The following NCK2 variants were observed in gnomAD, a reference collection of about 807,000 sequenced individuals.
NCK2 encodes cytoplasmic protein NCK2.
NCK2 carries 16 observed loss-of-function variants against 33.9 expected under a neutral mutation model. The ratio of observed to expected loss-of-function variants is 0.47; its 90% confidence interval spans 0.32 to 0.72. The LOEUF (loss-of-function observed/expected upper bound fraction) is 0.72. NCK2 is among the 30% of genes least tolerant of loss of function. NCK2 has a pLI of 0.03. For synonymous variants in NCK2, 273 were observed against 239.9 expected, an observed-to-expected ratio of 1.14 and a Z score of -1.27; for missense variants, 418 against 537.3, an observed-to-expected ratio of 0.78 and a Z score of 2.19.
intron 2 of NCK2, among the ~76,000 whole-genome samples, chr2:105,825,958 G>A (rs529860774): frequency 3.1e-4 from 47 of 152,300 alleles, no homozygotes; most frequent in African/African-American, 1.1e-3. Context: ...ATTAACCAAA[G>A]TGATTGCATT....
chr2:105,857,844 T>C (rs1361506394), intron 3 of NCK2, among the ~76,000 whole-genome samples: 2 of 152,212 alleles, frequency 1.3e-5, no homozygotes, highest in Non-Finnish European at 2.9e-5. Flanking sequence ...TCCCTTGCCC[T>C]GTTGAGCTGC....
chr2:105,866,836 A>G (rs555926068), intron 3 of NCK2, among the ~76,000 whole-genome samples: 109 of 152,288 alleles, frequency 7.2e-4, no homozygotes, highest in African/African-American at 2.3e-3. Flanking sequence ...TGTACCCAGT[A>G]ATTTTTGGTA....
At chr2:105,781,249 G>A (rs781084995) in intron 1 of NCK2, among the ~76,000 whole-genome samples, 37 of 152,294 alleles carry the variant, frequency 2.4e-4, no homozygotes, top group Non-Finnish European at 4.4e-4. Context: ...TGAATTTTAT[G>A]AACATGATTA....
chr2:105,830,312 C>A (rs2104519494), intron 2 of NCK2, among the ~76,000 whole-genome samples: 1 of 152,272 alleles, frequency 6.6e-6, no homozygotes, highest in Admixed American at 6.5e-5. Flanking sequence ...TGAGTGAGAA[C>A]TCTGGTATTT....
chr2:105,845,787 A>G (rs1676834205), intron 2 of NCK2, among the ~76,000 whole-genome samples: 1 of 152,218 alleles, frequency 6.6e-6, no homozygotes, highest in Non-Finnish European at 1.5e-5. Flanking sequence ...ACCGCTAAAA[A>G]TGGTGACTGT....
chr2:105,861,835 A>T (rs1677546094), intron 3 of NCK2, among the ~76,000 whole-genome samples: 2 of 151,546 alleles, frequency 1.3e-5, no homozygotes, highest in African/African-American at 4.8e-5. Flanking sequence ...ATTTTAAAGC[A>T]CACCAAGTCT....
chr2:105,835,190 A>G (rs1051226102), intron 2 of NCK2, among the ~76,000 whole-genome samples: 2 of 151,112 alleles, frequency 1.3e-5, no homozygotes, highest in Non-Finnish European at 2.9e-5. Context: ...GTGTGTTTCC[A>G]TGATGGCAGA....
At chr2:105,782,173 C>G (rs1241478368) in intron 1 of NCK2, among the ~76,000 whole-genome samples, 1 of 152,186 alleles carries the variant, frequency 6.6e-6, no homozygotes, top group Non-Finnish European at 1.5e-5. Flanking sequence ...ATCTCTTTCC[C>G]CTCTCTTTAT....
intron 1 of NCK2, among the ~76,000 whole-genome samples, chr2:105,765,499 C>G (rs1371981756): frequency 6.6e-6 from 1 of 152,146 alleles, no homozygotes; most frequent in Non-Finnish European, 1.5e-5. Context: ...TCCCTAATGG[C>G]AGATGGAACA....
At chr2:105,769,525 A>T (rs1690057333) in intron 1 of NCK2, among the ~76,000 whole-genome samples, 1 of 152,210 alleles carries the variant, frequency 6.6e-6, no homozygotes, top group Non-Finnish European at 1.5e-5. Flanking sequence ...CTCTACTTAT[A>T]ATAACGTACA....
chr2:105,863,091 A>G (rs901977134), intron 3 of NCK2, among the ~76,000 whole-genome samples: 3 of 152,198 alleles, frequency 2.0e-5, no homozygotes, highest in Non-Finnish European at 2.9e-5. Flanking sequence ...CTAATTATTC[A>G]TCATATCTAT....
At chr2:105,820,450 G>A (rs1171778874) in intron 2 of NCK2, among the ~76,000 whole-genome samples, 1 of 152,226 alleles carries the variant, frequency 6.6e-6, no homozygotes, top group African/African-American at 2.4e-5. Context: ...GCTTGAGGAG[G>A]ATGGCGGTGT....
chr2:105,829,867 T>A (rs537714663), intron 2 of NCK2, among the ~76,000 whole-genome samples: 1 of 152,354 alleles, frequency 6.6e-6, no homozygotes, highest in South Asian at 2.1e-4. Context: ...TATTTAGAGT[T>A]ATTCTTCCAA....
At chr2:105,866,850 A>G (rs995341902) in intron 3 of NCK2, among the ~76,000 whole-genome samples, 2 of 152,150 alleles carry the variant, frequency 1.3e-5, no homozygotes, top group African/African-American at 4.8e-5. Context: ...TTTGGTATAT[A>G]TGCTTCCTGG....
intron 3 of NCK2, among the ~76,000 whole-genome samples, chr2:105,880,329 A>G (rs1678419301): frequency 6.6e-6 from 1 of 152,164 alleles, no homozygotes; most frequent in Admixed American, 6.5e-5. Flanking sequence ...AGTATGAAAA[A>G]ATTTGCCTTC....
intron 2 of NCK2, among the ~76,000 whole-genome samples, chr2:105,835,720 A>G (rs1248237681): frequency 1.3e-5 from 2 of 151,874 alleles, no homozygotes; most frequent in African/African-American, 2.4e-5. Flanking sequence ...GAGGGTTTCT[A>G]TGCTTTTCTC....
chr2:105,814,564 A>G (rs1204249408), intron 1 of NCK2, among the ~76,000 whole-genome samples: 2 of 152,150 alleles, frequency 1.3e-5, no homozygotes. Context: ...GAAGCTGCTC[A>G]GGCTTTTGGT....
intron 3 of NCK2, among the ~76,000 whole-genome samples, chr2:105,870,292 C>G (rs1677946148): frequency 1.3e-5 from 2 of 152,220 alleles, no homozygotes; most frequent in African/African-American, 2.4e-5. Flanking sequence ...CAGCCCTAAC[C>G]CCCACCCAGG....
chr2:105,805,754 C>T (rs1278254234), intron 1 of NCK2, among the ~76,000 whole-genome samples: 3 of 152,140 alleles, frequency 2.0e-5, no homozygotes, highest in Non-Finnish European at 4.4e-5. Context: ...AGTTCATCTG[C>T]GTTATTGCAA....
Sources: gnomAD v4.1 joint callset for allele counts (sites outside exome capture counted in the v4.1 genomes callset) on GRCh38, gnomAD v4.1.1 for gene constraint, MANE v1.5 for transcripts, NCBI Gene and HGNC (gene_info 2026-07-23, HGNC 2026-07-21) for gene names.